Variants in BEND6 observed in about 807,000 individuals in gnomAD.
BEND6 encodes BEN domain containing 6, also known as BEN domain-containing protein 6.
A neutral mutation model predicts 31.8 loss-of-function variants in BEND6; 24 were observed. The ratio of observed to expected loss-of-function variants is 0.75; its 90% confidence interval spans 0.55 to 1.06. The LOEUF is 1.06. BEND6 is among the 50% of genes least tolerant of loss of function. The pLI is 0.00. For synonymous variants in BEND6, 109 were observed against 114.6 expected, an observed-to-expected ratio of 0.95 and a Z score of 0.31; for missense variants, 294 against 327.4, an observed-to-expected ratio of 0.90 and a Z score of 0.79.
At chr6:57,004,492 G>A (rs1827076665) in intron 3 of BEND6, 11 of 674,254 alleles carry the variant, frequency 1.6e-5, no homozygotes, top group South Asian at 1.6e-4. Context: ...CCGTCCCAAG[G>A]CCTCTGCCGC....
In BEND6 at chr6:56,981,802, A is replaced by G; in HGVS notation, c.-9A>G. 6.2e-7 allele frequency: 1 copy of G among 1,611,674 alleles called. No individual in the cohort carries two copies. The highest frequency in any genetic ancestry group is 1.3e-5 in the African/African-American group (1 of 74,928). On this transcript the variant is annotated 5_prime_UTR_variant, in exon 2 of 7. Transcript: ENST00000370746. Reference sequence around the variant, plus strand: ...GATTTCAGAAAACCTTTGATAACTAATTGAGAAAATGCAGAAGATCGTGCA... The same window carrying G: ...GATTTCAGAAAACCTTTGATAACTAGTTGAGAAAATGCAGAAGATCGTGCA...
chr6:56,980,334 G>C (rs972511546), intron 1 of BEND6, among the ~76,000 whole-genome samples: 1 of 152,092 alleles, frequency 6.6e-6, no homozygotes, highest in African/African-American at 2.4e-5. Flanking sequence ...AACTACAAGC[G>C]TGAGCCACCA....
intron 3 of BEND6, chr6:57,009,791 A>G (rs1275292896): frequency 6.6e-6 from 1 of 152,240 alleles, no homozygotes; most frequent in Non-Finnish European, 1.5e-5. Flanking sequence ...TATATGTTTA[A>G]TGCATGAGTT....
In BEND6 at chr6:56,981,909, T is replaced by C. The variant is rs780936477; in HGVS notation, c.99T>C (p.Asn33=). 6.2e-7 allele frequency: 1 copy of C among 1,611,836 alleles called. No homozygotes were observed. Among genetic ancestry groups the C allele is most frequent in the Non-Finnish European group, 8.5e-7 (1 of 1,179,042 alleles). The change falls in exon 2 of 7, where the codon AAT becomes AAC. Residue 33 remains asparagine, a synonymous_variant. Transcript: ENST00000370746. ...AGACAATGGACTCAGAAAATGCAAA[T>C]AGTGACATGGATAAAGGACAGGTTG... The part of the protein sequence containing the change: ...RTETMDSENA[N]SDMDKGQRDP...
rs540636982 is a variant in BEND6, at chr6:56,999,534, C to T, written c.298+6979C>T. ...TTCCCAGCTCCACAACTAGGCACAC[C>T]TCTGGGCGCTTGGTGGCCACCCACT... On this transcript the variant is annotated intron_variant, in intron 3 of 6. Coordinates refer to ENST00000370746, the MANE Select transcript of BEND6 (RefSeq NM_152731.3). Among the ~76,000 whole-genome samples the T allele has an allele frequency of 2.6e-5, 4 of 152,366 alleles. No individual in the cohort carries two copies. In the South Asian group the frequency reaches 6.2e-4, roughly 24 times the overall value.
chr6:57,004,088 C>A (rs527327797), intron 3 of BEND6, among the ~76,000 whole-genome samples: 56 of 152,210 alleles, frequency 3.7e-4, no homozygotes, highest in African/African-American at 1.1e-3. Flanking sequence ...GCAGGTAAAA[C>A]CAGAAGCATT....
chr6:57,015,113 ACTT>A lies in BEND6; in HGVS notation c.299-19_299-17del. 1 of 1,600,134 alleles carries A rather than the reference ACTT, an allele frequency of 6.2e-7. No homozygotes were observed. Among genetic ancestry groups the A allele is most frequent in the Non-Finnish European group, 8.6e-7 (1 of 1,167,880 alleles). Reference sequence around the variant, plus strand: ...ATTATCAATGGTATTTGTAAAGTGTACTTTTTCTTGCCATTTTAGTGTTACCAC... The same window carrying A: ...ATTATCAATGGTATTTGTAAAGTGTATTTCTTGCCATTTTAGTGTTACCAC... On this transcript the variant is annotated splice_polypyrimidine_tract_variant and intron_variant, in intron 3 of 6. Transcript: ENST00000370746.
intron 3 of BEND6, among the ~76,000 whole-genome samples, chr6:57,011,324 G>A (rs1827334068): frequency 6.6e-6 from 1 of 152,162 alleles, no homozygotes. Context: ...AATCTCAAAA[G>A]CATTTATACC....
intron 2 of BEND6, among the ~76,000 whole-genome samples, chr6:56,989,628 A>G (rs1826417163): frequency 6.6e-6 from 1 of 152,172 alleles, no homozygotes; most frequent in Non-Finnish European, 1.5e-5. Context: ...TGTCAAGCCC[A>G]TTCATATTTT....
intron 1 of BEND6, among the ~76,000 whole-genome samples, chr6:56,966,866 A>G (rs948883368): frequency 6.6e-6 from 1 of 152,248 alleles, no homozygotes; most frequent in African/African-American, 2.4e-5. Flanking sequence ...TACTAGGGGT[A>G]TTGATCCAGT....
At chr6:56,988,258 C>T (rs1001392329) in intron 2 of BEND6, among the ~76,000 whole-genome samples, 4 of 151,878 alleles carry the variant, frequency 2.6e-5, no homozygotes, top group Non-Finnish European at 4.4e-5. Flanking sequence ...CCTCGTGATC[C>T]GCCAGCCACG....
At chr6:56,982,545 A>G (rs1826107422) in intron 2 of BEND6, among the ~76,000 whole-genome samples, 1 of 152,096 alleles carries the variant, frequency 6.6e-6, no homozygotes, top group Non-Finnish European at 1.5e-5. Context: ...TGGACAACCA[A>G]TCAATATGTT....
In BEND6 at chr6:56,983,653, G is replaced by T. The variant is rs111902815; in HGVS notation, c.120+1723G>T. ...AATAGCAAGATCTTGTTCTTTTTTA[G>T]GGCTCAATGATATTCCATTTATAAA... On this transcript the variant is annotated intron_variant, in intron 2 of 6. Transcript: ENST00000370746. Among the ~76,000 whole-genome samples, 92 of 152,074 alleles carry T rather than the reference G, an allele frequency of 6.0e-4. 1 individual carries two copies. Among genetic ancestry groups the T allele is most frequent in the African/African-American group, 2.0e-3 (85 of 41,492 alleles).
rs200755423 is a variant in BEND6, at chr6:56,972,084, T to TTACTG, written c.-100-9626_-100-9625insACTGT. Among the ~76,000 whole-genome samples the TTACTG allele has an allele frequency of 2.5e-4, 33 of 132,814 alleles. 1 individual carries two copies. The highest frequency in any genetic ancestry group is 4.3e-4 in the Non-Finnish European group (26 of 60,748). 87.1% of individuals were successfully genotyped at this position (132,814 alleles called of 152,430 possible). On this transcript the variant is annotated intron_variant, in intron 1 of 6. Transcript: ENST00000370746. Reference sequence around the variant, plus strand: ...TGTTTTCTTTTTACTTTACTTTACTTTCTTTTTTTTTTTTTTTTTTTTTTT... The same window carrying TTACTG: ...TGTTTTCTTTTTACTTTACTTTACTTTACTGTCTTTTTTTTTTTTTTTTTTTTTTT...
intron 1 of BEND6, among the ~76,000 whole-genome samples, chr6:56,970,173 T>G (rs764139614): frequency 5.3e-4 from 81 of 152,148 alleles, no homozygotes; most frequent in Non-Finnish European, 9.6e-4. Context: ...AGCTCTTGGC[T>G]TATATTATTC....
chr6:56,971,844 G>A (rs199763877), intron 1 of BEND6, among the ~76,000 whole-genome samples: 17 of 151,938 alleles, frequency 1.1e-4, no homozygotes, highest in East Asian at 5.8e-4. Flanking sequence ...AATTCTGTGC[G>A]TTCTGGATAT....
intron 2 of BEND6, among the ~76,000 whole-genome samples, chr6:56,988,781 C>A (rs1319474809): frequency 1.3e-5 from 2 of 152,158 alleles, no homozygotes; most frequent in African/African-American, 4.8e-5. Flanking sequence ...GTAATCCCAG[C>A]ACTTTGGGAG....
chr6:56,997,602 G>T (rs181507427), intron 3 of BEND6, among the ~76,000 whole-genome samples: 1 of 152,276 alleles, frequency 6.6e-6, no homozygotes, highest in African/African-American at 2.4e-5. Flanking sequence ...CGCCCAGACT[G>T]CAGTGCAGTG....
chr6:56,976,495 G>A (rs570325660), intron 1 of BEND6, among the ~76,000 whole-genome samples: 9 of 150,816 alleles, frequency 6.0e-5, no homozygotes, highest in East Asian at 4.0e-4. Flanking sequence ...ATGCCCAGCC[G>A]CGTTAGTGCT....
Sources: gnomAD v4.1 joint callset for allele counts (sites outside exome capture counted in the v4.1 genomes callset) on GRCh38, gnomAD v4.1.1 for gene constraint, MANE v1.5 for transcripts, NCBI Gene and HGNC (gene_info 2026-07-23, HGNC 2026-07-21) for gene names.